Variants in GRIN2A observed in about 807,000 individuals in gnomAD.
GRIN2A encodes the protein glutamate receptor ionotropic, NMDA 2A.
GRIN2A carries 22 observed loss-of-function variants against 113.4 expected under a neutral mutation model. The observed-to-expected ratio is 0.19, with a 90% CI of 0.14 to 0.28. The LOEUF (loss-of-function observed/expected upper bound fraction) is 0.28, where lower values mean the gene tolerates loss of function less well. Among genes scored for constraint, GRIN2A ranks in the 10% least tolerant of loss-of-function variants. GRIN2A has a pLI of 1.00. For synonymous variants in GRIN2A, 827 were observed against 738.4 expected, an observed-to-expected ratio of 1.12 and a Z score of -1.94; for missense variants, 1,502 against 1,887.0, an observed-to-expected ratio of 0.80 and a Z score of 3.78.
chr16:10,165,346 A>G (rs149246210), intron 2 of GRIN2A, among the ~76,000 whole-genome samples: 183 of 151,974 alleles, frequency 1.2e-3, no homozygotes, highest in Middle Eastern at 3.4e-3. Context: ...CAAAATGTTA[A>G]TAGCAGTTGT....
intron 4 of GRIN2A, among the ~76,000 whole-genome samples, chr16:9,864,105 T>G (rs909181321): frequency 6.6e-6 from 1 of 152,226 alleles, no homozygotes; most frequent in Admixed American, 6.5e-5. Flanking sequence ...GGTAAAGGTT[T>G]TTGTTTGACC....
chr16:9,904,719 C>T (rs186807016), intron 3 of GRIN2A, among the ~76,000 whole-genome samples: 1 of 152,314 alleles, frequency 6.6e-6, no homozygotes, highest in Admixed American at 6.5e-5. Flanking sequence ...GGGCCCCACC[C>T]TCATGACATC....
At chr16:9,845,186 A>G (rs964573597) in intron 5 of GRIN2A, among the ~76,000 whole-genome samples, 3 of 152,116 alleles carry the variant, frequency 2.0e-5, no homozygotes, top group African/African-American at 4.8e-5. Flanking sequence ...GCAAGCTACT[A>G]TCTCCTCACA....
At position 10,048,982 on chromosome 16, in the gene GRIN2A, C is replaced by G. The variant is rs529866756; in HGVS notation, c.415-110431G>C. Among the ~76,000 whole-genome samples the G allele has an allele frequency of 8.5e-5, 13 of 152,308 alleles. No homozygotes were observed. In the South Asian group the frequency reaches 2.5e-3, roughly 29 times the overall value. ...CCCCAGCCCCTGCCCATTCATGCAT[C>G]AGAAACTTGCTGTCTCTATTCTAAG... On this transcript the variant is annotated intron_variant, in intron 2 of 12. Transcript: ENST00000330684.
rs1903141960 is a variant in GRIN2A, at chr16:9,798,491, A to T, written c.2169-27T>A. ...TGAAATGACAAGAAACCAGGGGGTC[A>T]TAGGGGTGGCCAGGTACCACCTCGG... On this transcript the variant is annotated intron_variant, in intron 10 of 12. Coordinates refer to ENST00000330684, the MANE Select transcript of GRIN2A (RefSeq NM_001134407.3). 1.9e-6 allele frequency: 3 copies of T among 1,605,146 alleles called. No homozygotes were observed. The East Asian group carries it at 6.7e-5, about 36-fold the overall frequency.
At chr16:9,829,345 G>T in intron 9 of GRIN2A, 78 bp downstream of exon 9, 1 of 867,736 alleles carries the variant, frequency 1.2e-6, no homozygotes, top group Non-Finnish European at 2.0e-6. Context: ...TCAATGAGAG[G>T]CACCTGAATC....
intron 2 of GRIN2A, among the ~76,000 whole-genome samples, chr16:10,016,616 A>G (rs548240105): frequency 3.3e-5 from 5 of 152,340 alleles, no homozygotes; most frequent in South Asian, 4.1e-4. Flanking sequence ...AATTGTCCAT[A>G]GGATAAATGG....
chr16:10,011,417 A>G (rs1230859518), intron 2 of GRIN2A, among the ~76,000 whole-genome samples: 1 of 152,158 alleles, frequency 6.6e-6, no homozygotes, highest in Admixed American at 6.5e-5. Context: ...TGTAAGTAGC[A>G]ATATTCTATT....
intron 2 of GRIN2A, among the ~76,000 whole-genome samples, chr16:10,161,354 T>C (rs1474032797): frequency 2.6e-5 from 4 of 152,212 alleles, no homozygotes; most frequent in Admixed American, 6.5e-5. Context: ...TTTTCCTTTA[T>C]AAATTACCCA....
At chr16:10,179,898 C>T (rs1209597251) in intron 2 of GRIN2A, 100 bp downstream of exon 2, 2 of 490,086 alleles carry the variant, frequency 4.1e-6, no homozygotes, top group African/African-American at 2.0e-5. Context: ...ACCCCCACTT[C>T]ACATCAAGAC....
In GRIN2A at chr16:9,762,859, A is replaced by G. The variant is rs1900646134; in HGVS notation, c.*290T>C. The G allele has an allele frequency of 4.0e-6, 2 of 504,668 alleles. No homozygotes were observed. The highest frequency in any genetic ancestry group is 6.7e-5 in the East Asian group (2 of 30,060). 31.3% of individuals were successfully genotyped at this position (504,668 alleles called of 1,614,324 possible). ...TGGCATCCAATGCATCATTATTGCC[A>G]ACATACCCAGTAGGCATGTCCCGGA... On this transcript the variant is annotated 3_prime_UTR_variant, in exon 13 of 13. Coordinates refer to ENST00000330684, the MANE Select transcript of GRIN2A (RefSeq NM_001134407.3).
At chr16:9,992,613 C>T (rs1464498223) in intron 2 of GRIN2A, among the ~76,000 whole-genome samples, 1 of 152,160 alleles carries the variant, frequency 6.6e-6, no homozygotes, top group East Asian at 1.9e-4. Flanking sequence ...AACGAATGCT[C>T]TGGATATTTG....
At chr16:9,813,699 CA>C (rs553969865) in intron 10 of GRIN2A, among the ~76,000 whole-genome samples, 208 of 133,180 alleles carry the variant, frequency 1.6e-3, no homozygotes, top group Middle Eastern at 3.8e-3. Flanking sequence ...CACCCCCCCG[CA>C]AAAAAAAAAA....
chr16:10,004,763 G>A (rs2046377297), intron 2 of GRIN2A, among the ~76,000 whole-genome samples: 1 of 152,074 alleles, frequency 6.6e-6, no homozygotes, highest in African/African-American at 2.4e-5. Context: ...ATATTGTTGG[G>A]TCCACTTGGA....
At chr16:9,932,900 C>T (rs1298379039) in intron 3 of GRIN2A, among the ~76,000 whole-genome samples, 1 of 152,182 alleles carries the variant, frequency 6.6e-6, no homozygotes, top group African/African-American at 2.4e-5. Context: ...TGCCCATGCT[C>T]TTAACCGTGA....
intron 3 of GRIN2A, among the ~76,000 whole-genome samples, chr16:9,935,080 C>T (rs2044682186): frequency 6.6e-6 from 1 of 152,112 alleles, no homozygotes; most frequent in Non-Finnish European, 1.5e-5. Flanking sequence ...GCATAGAATC[C>T]AGGGTGGTCA....
intron 2 of GRIN2A, among the ~76,000 whole-genome samples, chr16:9,986,998 T>A (rs2045990342): frequency 6.6e-6 from 1 of 152,118 alleles, no homozygotes; most frequent in Non-Finnish European, 1.5e-5. Context: ...AATCAGAATC[T>A]CTGGATATGG....
chr16:10,175,669 C>T (rs140834536), intron 2 of GRIN2A, among the ~76,000 whole-genome samples: 66 of 152,334 alleles, frequency 4.3e-4, no homozygotes, highest in Middle Eastern at 3.4e-3. Flanking sequence ...GACTTACACT[C>T]TGGCAGAAGA....
At chr16:9,826,150 C>T (rs2042383619) in intron 9 of GRIN2A, among the ~76,000 whole-genome samples, 4 of 152,068 alleles carry the variant, frequency 2.6e-5, no homozygotes, top group African/African-American at 9.7e-5. Context: ...AATGTCTTCT[C>T]TTTTATAGGA....
Sources: gnomAD v4.1 joint callset for allele counts (sites outside exome capture counted in the v4.1 genomes callset) on GRCh38, gnomAD v4.1.1 for gene constraint, MANE v1.5 for transcripts, NCBI Gene and HGNC (gene_info 2026-07-23, HGNC 2026-07-21) for gene names.